Variants in CACNA1G observed in about 807,000 individuals in gnomAD.
CACNA1G encodes voltage-dependent T-type calcium channel subunit alpha-1G.
Under a neutral mutation model 219.4 loss-of-function variants are expected in CACNA1G, and 67 were observed. That is an observed-to-expected ratio of 0.31 (90% CI 0.25 to 0.37). The LOEUF (loss-of-function observed/expected upper bound fraction) is 0.37. CACNA1G is among the 10% of genes least tolerant of loss of function. The pLI is 1.00. For missense variants in CACNA1G, 2,380 were observed against 3,231.4 expected (o/e 0.74, Z 6.39); for synonymous variants, 1,296 against 1,345.3 (o/e 0.96, Z 0.80).
chr17:50,583,600 G>C (rs2042394482), intron 9 of CACNA1G, among the ~76,000 whole-genome samples: 1 of 151,678 alleles, frequency 6.6e-6, no homozygotes, highest in African/African-American at 2.4e-5. Flanking sequence ...GCTTCACGAA[G>C]GTGGTGGCTT....
In CACNA1G at chr17:50,617,776, C is replaced by T; in HGVS notation, c.5156-83C>T. On this transcript the variant is annotated intron_variant, in intron 29 of 37. Transcript: ENST00000359106. The surrounding 1 kb of genome is among the most constrained non-coding windows in gnomAD (Gnocchi z 5.8). ...CCGGAGATGGCCATCCCAGCAGCCC[C>T]AGCCCAGCCCTGGTCCTGACTCTGC... 5 of 1,525,652 alleles carry T rather than the reference C, an allele frequency of 3.3e-6. No individual in the cohort carries two copies. The highest frequency in any genetic ancestry group is 4.5e-6 in the Non-Finnish European group (5 of 1,112,538). The allele number at this position is 1,525,652 out of a possible 1,614,324, so 94.5% of individuals were successfully genotyped here.
chr17:50,561,537 GGGGGCCGGGGGCCGGCC>G lies in CACNA1G; in HGVS notation c.89_105del (p.Gly30ValfsTer45). On this transcript the variant is annotated frameshift_variant, in exon 1 of 38. Transcript: ENST00000359106. LOFTEE classifies it high-confidence loss of function. ...GCTTCATGCGGCTCAACGACCTGTC[GGGGGCCGGGGGCCGGCC>G]GGGGCCGGGGTCAGCAGAAAAGGAC... is the stretch of plus-strand genomic sequence containing the variant. The G allele has an allele frequency of 6.5e-7, 1 of 1,538,342 alleles. No individual in the cohort carries two copies. Among genetic ancestry groups the G allele is most frequent in the Non-Finnish European group, 8.7e-7 (1 of 1,146,358 alleles).
At position 50,561,199 on chromosome 17, in the gene CACNA1G, G is replaced by A; in HGVS notation, c.-261G>A. 1.8e-6 allele frequency: 1 copy of A among 570,780 alleles called. No homozygotes were observed. Among genetic ancestry groups the A allele is most frequent in the Non-Finnish European group, 3.2e-6 (1 of 315,520 alleles). 35.4% of individuals were successfully genotyped at this position (570,780 alleles called of 1,614,324 possible). On this transcript the variant is annotated 5_prime_UTR_variant, in exon 1 of 38. Transcript: ENST00000359106. ...GAACAAAGTGAGGGGGAGCCGGCCG[G>A]CTGGCCCGGGAAGCCCCAGGGGCGC...
chr17:50,615,312 G>C (rs564729518), intron 26 of CACNA1G, 49 bp from the exon 27 acceptor site: 12 of 1,477,558 alleles, frequency 8.1e-6, no homozygotes, highest in South Asian at 5.8e-5. Flanking sequence ...GGAGGGGTGC[G>C]GGGGGCAGGG....
At chr17:50,598,812 C>T (rs957821116) in intron 16 of CACNA1G, among the ~76,000 whole-genome samples, 1 of 152,198 alleles carries the variant, frequency 6.6e-6, no homozygotes, top group Admixed American at 6.5e-5. Flanking sequence ...CTGCAACTTC[C>T]ACCTTCCAGG....
intron 23 of CACNA1G, chr17:50,606,301 T>A (rs1373122514): frequency 1.5e-6 from 1 of 686,942 alleles, no homozygotes; most frequent in Non-Finnish European, 2.7e-6. Context: ...AGCTACATGG[T>A]GGAGCAGGAA....
At chr17:50,624,324 T>TGGC in intron 36 of CACNA1G, 36 bp from the exon 37 acceptor site, 9 of 1,177,646 alleles carry the variant, frequency 7.6e-6, no homozygotes, top group African/African-American at 1.6e-5. Context: ...CTCCATTCTC[T>TGGC]CCCCCCACCC....
intron 4 of CACNA1G, among the ~76,000 whole-genome samples, chr17:50,570,927 G>A (rs1355813742): frequency 6.6e-6 from 1 of 152,168 alleles, no homozygotes; most frequent in African/African-American, 2.4e-5. Context: ...AGCAGCTTTT[G>A]CCCTGGAGGG....
intron 14 of CACNA1G, 58 bp downstream of exon 14, chr17:50,595,119 C>T: frequency 7.8e-7 from 1 of 1,280,772 alleles, no homozygotes; most frequent in Non-Finnish European, 1.1e-6. Context: ...TGCCCCTCCA[C>T]TCCGCCTCCG....
Position 50,621,704 on chromosome 17 carries a change from T to C in CACNA1G, c.5970T>C (p.Ile1990=). ...AGGCTCTGTCTCTGACGTCAGAGAT[T>C]GTGTCTGAACCGTCCTGCTCTCTAG... is the stretch of plus-strand genomic sequence containing the variant. The part of the protein sequence containing the change: ...EMEALSLTSE[I]VSEPSCSLAL... The change falls in exon 35 of 38, where the codon ATT becomes ATC. Residue 1990 remains isoleucine (I), a synonymous_variant. Transcript: ENST00000359106. This position sits in a 1 kb window ranked among gnomAD's most constrained non-coding sequence, Gnocchi z 4.6. The C allele has an allele frequency of 6.2e-7, 1 of 1,613,856 alleles. No homozygotes were observed. Among genetic ancestry groups the C allele is most frequent in the Non-Finnish European group, 8.5e-7 (1 of 1,179,760 alleles).
intron 1 of CACNA1G, among the ~76,000 whole-genome samples, chr17:50,566,750 A>G (rs1243310665): frequency 1.3e-5 from 2 of 152,224 alleles, no homozygotes; most frequent in Non-Finnish European, 2.9e-5. Flanking sequence ...GGTATTGATC[A>G]TCTGCTCCGT....
chr17:50,565,924 C>G (rs889609580), intron 1 of CACNA1G, among the ~76,000 whole-genome samples: 3 of 152,102 alleles, frequency 2.0e-5, no homozygotes, highest in African/African-American at 7.2e-5. Flanking sequence ...AAAGATCCTC[C>G]CCTCTCCTAC....
At chr17:50,609,077 T>A (rs1006333372) in intron 25 of CACNA1G, among the ~76,000 whole-genome samples, 3 of 152,172 alleles carry the variant, frequency 2.0e-5, no homozygotes, top group Non-Finnish European at 4.4e-5. Flanking sequence ...ATGGGTGCGG[T>A]GGCCTGAGTT....
At position 50,578,149 on chromosome 17, in the gene CACNA1G, G is replaced by A. The variant is rs753647209; in HGVS notation, c.1925-39G>A. 3 of 1,506,846 alleles carry A rather than the reference G, an allele frequency of 2.0e-6. No individual in the cohort carries two copies. The highest frequency in any genetic ancestry group is 2.2e-4 in the Middle Eastern group (1 of 4,496). 93.3% of individuals were successfully genotyped at this position (1,506,846 alleles called of 1,614,324 possible). On this transcript the variant is annotated intron_variant, in intron 8 of 37. Coordinates refer to ENST00000359106, the MANE Select transcript of CACNA1G (RefSeq NM_018896.5). The surrounding 1 kb of genome is among the most constrained non-coding windows in gnomAD (Gnocchi z 4.5). ...CACAGGGCAGGGTAGCCCCAGGTAC[G>A]AGACTCTGGAGCCTCTCACCTCTAC...
Position 50,604,186 on chromosome 17 carries a change from G to T in CACNA1G, c.4201G>T (p.Val1401Leu), listed in dbSNP as rs1385735006. 1 of 1,613,628 alleles carries T rather than the reference G, an allele frequency of 6.2e-7. No individual in the cohort carries two copies. The highest frequency in any genetic ancestry group is 1.3e-5 in the African/African-American group (1 of 74,910). The change falls in exon 22 of 38, where the codon GTG becomes TTG. Residue 1401 changes from valine to leucine, a missense_variant. This residue lies in a region of CACNA1G where 153 missense variants were observed against 374.9 expected (regional missense o/e 0.41). Coordinates refer to ENST00000359106, the MANE Select transcript of CACNA1G (RefSeq NM_018896.5). ...VISRAQGLKLVVETLMSSLKP... is the reference protein window; with the variant it reads ...VISRAQGLKLLVETLMSSLKP... ...CAGCCGGGCGCAGGGGCTGAAGCTG[G>T]TGGTGGAGACGCTGATGTCCTCACT...
At position 50,619,706 on chromosome 17, in the gene CACNA1G, A is replaced by G. The variant is rs1386261254; in HGVS notation, c.5805A>G (p.Ile1935Met). 4 of 1,610,280 alleles carry G rather than the reference A, an allele frequency of 2.5e-6. No homozygotes were observed. Among genetic ancestry groups the G allele is most frequent in the East Asian group, 2.2e-5 (1 of 44,846 alleles). The change falls in exon 34 of 38, where the codon ATA (isoleucine) becomes ATG (methionine). Residue 1935 changes from isoleucine (I) to methionine (M), a missense_variant. By Grantham distance (10) the Ile-to-Met change is conservative. Coordinates refer to ENST00000359106, the MANE Select transcript of CACNA1G (RefSeq NM_018896.5). ...HPTDRQLFDT[I>M]SLLIQGSLEW... ...AGGACAGGCAGCTGTTTGACACCAT[A>G]TCCCTGCTGATCCAGGGCTCCCTGG... is the stretch of plus-strand genomic sequence containing the variant.
chr17:50,566,799 C>T (rs531282012), intron 1 of CACNA1G, among the ~76,000 whole-genome samples: 2 of 152,358 alleles, frequency 1.3e-5, no homozygotes, highest in African/African-American at 2.4e-5. Flanking sequence ...GATCTAAAGA[C>T]GTATCAGAAT....
chr17:50,626,746 C>G lies in CACNA1G; in HGVS notation c.7129C>G (p.Pro2377Ala). The G allele has an allele frequency of 6.2e-7, 1 of 1,613,144 alleles. No homozygotes were observed. The highest frequency in any genetic ancestry group is 1.1e-5 in the South Asian group (1 of 91,086). Residue 2377 changes from proline to alanine, a missense_variant, in exon 38 of 38, where the codon CCC (proline) becomes GCC (alanine). By Grantham distance (27) the Pro-to-Ala change is conservative. Transcript: ENST00000359106. The surrounding 1 kb of genome is among the most constrained non-coding windows in gnomAD (Gnocchi z 4.3). Reference sequence around the variant, plus strand: ...ATCCTCTGACCCAGCAGACCTGGACCCCTGAGTCCTGCCCCACTTTCCCAC... The same window carrying G: ...ATCCTCTGACCCAGCAGACCTGGACGCCTGAGTCCTGCCCCACTTTCCCAC... ...GLSSDPADLD[P>A]
At chr17:50,574,258 G>C (rs2040105302) in intron 7 of CACNA1G, among the ~76,000 whole-genome samples, 1 of 152,230 alleles carries the variant, frequency 6.6e-6, no homozygotes, top group African/African-American at 2.4e-5. Context: ...GCCAACGACA[G>C]AGCCAGACAG....
Sources: gnomAD v4.1 joint callset for allele counts (sites outside exome capture counted in the v4.1 genomes callset) on GRCh38, gnomAD v4.1.1 for gene constraint, gnomAD v4.1.1 regional missense constraint, Gnocchi (gnomAD v3.1) non-coding constraint, MANE v1.5 for transcripts, NCBI Gene and HGNC (gene_info 2026-07-23, HGNC 2026-07-21) for gene names.